Variants in TSKS observed in about 807,000 individuals in gnomAD.
The protein encoded by TSKS is testis specific serine kinase substrate.
In TSKS, 27 loss-of-function variants were observed where a neutral mutation model predicts 68.0. The ratio of observed to expected loss-of-function variants is 0.40; its 90% CI spans 0.29 to 0.55. The LOEUF is 0.55. TSKS is among the 20% of genes least tolerant of loss of function. The pLI is 0.53. For missense variants in TSKS, 806 were observed against 776.0 expected, an observed-to-expected ratio of 1.04 and a Z score of -0.46; for synonymous variants, 331 against 340.4, an observed-to-expected ratio of 0.97 and a Z score of 0.30.
chr19:49,748,281 T>G, intron 3 of TSKS, 93 bp downstream of exon 3: 2 of 1,556,552 alleles, frequency 1.3e-6, no homozygotes, highest in Non-Finnish European at 1.8e-6. Flanking sequence ...GCTCCCCAAC[T>G]GAGCTATGGG....
In TSKS at chr19:49,746,528, C is replaced by T; in HGVS notation, c.934G>A (p.Gly312Ser). 1 of 1,613,752 alleles carries T rather than the reference C, an allele frequency of 6.2e-7. No homozygotes were observed. Reference protein sequence around the residue: ...GWGMGPRAGEGPYVSEQELQK... With the variant: ...GWGMGPRAGESPYVSEQELQK... ...AATTCCTGCTCGCTCACGTAGGGGCCCTCGCCAGCCCGAGGCCCCATTCCC... is the reference window on the plus strand; with the variant it reads ...AATTCCTGCTCGCTCACGTAGGGGCTCTCGCCAGCCCGAGGCCCCATTCCC... The change falls in exon 6 of 11, where the codon GGC becomes AGC. Residue 312 changes from glycine to serine, a missense_variant. By Grantham distance (56) the Gly-to-Ser change is moderately conservative (BLOSUM62 0). Coordinates refer to ENST00000246801, the MANE Select transcript of TSKS (RefSeq NM_021733.2).
At chr19:49,751,703 C>T (rs1020603973) in intron 2 of TSKS, among the ~76,000 whole-genome samples, 1 of 151,996 alleles carries the variant, frequency 6.6e-6, no homozygotes, top group African/African-American at 2.4e-5. Context: ...CTGGCAAAGC[C>T]GTGAAAGCAT....
intron 2 of TSKS, among the ~76,000 whole-genome samples, chr19:49,758,934 T>C (rs542901376): frequency 1.9e-4 from 29 of 152,068 alleles, no homozygotes; most frequent in African/African-American, 7.0e-4. Context: ...TTCGGTTCAC[T>C]GCAACCTCTG....
chr19:49,748,290 G>C, intron 3 of TSKS, 84 bp downstream of exon 3: 4 of 1,557,402 alleles, frequency 2.6e-6, no homozygotes, highest in Non-Finnish European at 3.5e-6. Flanking sequence ...CTGAGCTATG[G>C]GTGCATTCTG....
At position 49,749,775 on chromosome 19, in the gene TSKS, A is replaced by G. The variant is rs1297048790; in HGVS notation, c.400-1306T>C. 6.6e-5 allele frequency among the ~76,000 whole-genome samples: 10 copies of G among 152,012 alleles called. No individual in the cohort carries two copies. The East Asian group carries it at 1.9e-3, about 29-fold the overall frequency. On this transcript the variant is annotated intron_variant, in intron 2 of 10. Coordinates refer to ENST00000246801, the MANE Select transcript of TSKS (RefSeq NM_021733.2). ...ATAGGTGCTTGCTACCATGCCCAGC[A>G]AAATTTTAAGATGTTTGGTATAGAT...
intron 8 of TSKS, 95 bp from the exon 9 acceptor site, chr19:49,742,115 GT>G: frequency 1.4e-6 from 2 of 1,445,376 alleles, no homozygotes; most frequent in Non-Finnish European, 1.9e-6. Context: ...ATTTGGCCTC[GT>G]TTCCAGTATG....
chr19:49,761,972 C>CTT (rs1393854781), intron 2 of TSKS, 32 bp downstream of exon 2: 3 of 1,577,178 alleles, frequency 1.9e-6, no homozygotes, highest in Non-Finnish European at 2.6e-6. Context: ...GGACCTCGGT[C>CTT]CTCCCCAGCG....
In TSKS at chr19:49,746,770, A is replaced by G. The variant is rs764287951; in HGVS notation, c.692T>C (p.Leu231Pro). 6.2e-7 allele frequency: 1 copy of G among 1,600,766 alleles called. No individual in the cohort carries two copies. Among genetic ancestry groups the G allele is most frequent in the Non-Finnish European group, 8.5e-7 (1 of 1,179,772 alleles). ...EEKLRYLQQQ[L>P]QDETPRRQEA... ...CTGCCGTCGCGGCGTCTCATCCTGC[A>G]GCTGCTGCTGGAGGTAGCGCAGCTT... Residue 231 changes from leucine (L) to proline (P), a missense_variant, in exon 6 of 11, where the codon CTG (leucine) becomes CCG (proline). Leu to Pro is a moderately conservative substitution (Grantham distance 98). Transcript: ENST00000246801.
chr19:49,743,504 T>TC (rs1221493163), intron 8 of TSKS, among the ~76,000 whole-genome samples: 1 of 142,388 alleles, frequency 7.0e-6, no homozygotes, highest in East Asian at 2.0e-4. Context: ...TTTTTTTTTT[T>TC]TTTTTTTTTT....
At chr19:49,757,601 A>C (rs975451219) in intron 2 of TSKS, among the ~76,000 whole-genome samples, 7 of 152,006 alleles carry the variant, frequency 4.6e-5, no homozygotes, top group African/African-American at 1.7e-4. Flanking sequence ...TGAAATGGAG[A>C]TATAACTAAC....
intron 8 of TSKS, among the ~76,000 whole-genome samples, chr19:49,743,948 C>G (rs1011966814): frequency 1.3e-5 from 2 of 152,086 alleles, no homozygotes; most frequent in Admixed American, 1.3e-4. Flanking sequence ...ACCAAGTGAT[C>G]CGCCCACCTT....
intron 7 of TSKS, 136 bp downstream of exon 7, chr19:49,745,066 G>C (rs980979669): frequency 3.6e-6 from 3 of 840,758 alleles, no homozygotes; most frequent in Admixed American, 3.2e-5. Flanking sequence ...TCTAATTGGT[G>C]TTTCCCGATG....
chr19:49,754,826 G>A (rs1164682561), intron 2 of TSKS, among the ~76,000 whole-genome samples: 1 of 151,968 alleles, frequency 6.6e-6, no homozygotes, highest in Non-Finnish European at 1.5e-5. Flanking sequence ...AGGGCCAGGC[G>A]CAATGGCTCA....
chr19:49,757,777 C>T (rs1020875122), intron 2 of TSKS, among the ~76,000 whole-genome samples: 1 of 151,958 alleles, frequency 6.6e-6, no homozygotes, highest in African/African-American at 2.4e-5. Context: ...CTATCCCCCT[C>T]CTCTATTTCT....
At chr19:49,753,827 C>T (rs186870166) in intron 2 of TSKS, among the ~76,000 whole-genome samples, 82 of 150,908 alleles carry the variant, frequency 5.4e-4, no homozygotes, top group African/African-American at 1.9e-3. Context: ...AACAACAAAT[C>T]CTTATGAGTG....
At chr19:49,746,332 C>G in intron 6 of TSKS, 138 bp downstream of exon 6, 4 of 1,028,020 alleles carry the variant, frequency 3.9e-6, no homozygotes, top group Non-Finnish European at 5.6e-6. Flanking sequence ...GTCCCCGAGG[C>G]TCCACCCATG....
chr19:49,742,937 A>G (rs1339573388), intron 8 of TSKS, among the ~76,000 whole-genome samples: 1 of 152,108 alleles, frequency 6.6e-6, no homozygotes, highest in Non-Finnish European at 1.5e-5. Flanking sequence ...CCTTCCCACA[A>G]TGGGCCAAAA....
At position 49,762,114 on chromosome 19, in the gene TSKS, C is replaced by T. The variant is rs199935727; in HGVS notation, c.289G>A (p.Gly97Arg). The T allele has an allele frequency of 6.1e-5, 98 of 1,614,024 alleles. 1 individual carries two copies. In the Admixed American group the frequency reaches 1.3e-3, roughly 22 times the overall value. Residue 97 changes from glycine (G) to arginine (R), a missense_variant, in exon 2 of 11, where the codon GGG becomes AGG. Physicochemically the swap from Gly to Arg is moderately radical, Grantham distance 125. Transcript: ENST00000246801. Reference sequence around the variant, plus strand: ...AGGTCTTCCACTGTGGAGTCTGTCCCCGTGGAGTCAGTGGGCTCCATGGCG... The same window carrying T: ...AGGTCTTCCACTGTGGAGTCTGTCCTCGTGGAGTCAGTGGGCTCCATGGCG... ...LAAMEPTDST[G>R]TDSTVEDLSG...
chr19:49,745,230 G>A lies in TSKS; in HGVS notation c.1159C>T (p.Arg387Ter). 3 of 1,605,098 alleles carry A rather than the reference G, an allele frequency of 1.9e-6. No homozygotes were observed. Among genetic ancestry groups the A allele is most frequent in the South Asian group, 1.1e-5 (1 of 90,704 alleles). Residue 387 changes from arginine (R) to a stop codon, truncating the protein, a stop_gained, in exon 7 of 11, where the codon CGA becomes TGA. Coordinates refer to ENST00000246801, the MANE Select transcript of TSKS (RefSeq NM_021733.2). LOFTEE classifies it high-confidence loss of function. ...GTGCACAGCTCATCCGCCCGACCTCGCAGCTCCTGCAAGTCCCGCGCCGTC... is the reference window on the plus strand; with the variant it reads ...GTGCACAGCTCATCCGCCCGACCTCACAGCTCCTGCAAGTCCCGCGCCGTC... ...AQTARDLQEL[R>*]GRADELCTMV...
Sources: allele counts gnomAD v4.1 joint callset (sites outside exome capture counted in the v4.1 genomes callset), GRCh38; gene constraint gnomAD v4.1.1; transcripts MANE v1.5; gene names NCBI Gene and HGNC (gene_info 2026-07-23, HGNC 2026-07-21).